Variants in CSMD2 observed in about 807,000 individuals in gnomAD.
CSMD2 encodes CUB and Sushi multiple domains 2, also known as CUB and sushi domain-containing protein 2.
In CSMD2, 130 loss-of-function variants were observed where a neutral mutation model predicts 398.5. That is an observed-to-expected ratio of 0.33 (90% CI 0.28 to 0.38). The LOEUF is 0.38. Among genes scored for constraint, CSMD2 ranks in the 10% least tolerant of loss-of-function variants. CSMD2 has a pLI of 1.00. For missense variants in CSMD2, 3,829 were observed against 4,764.9 expected (o/e 0.80, Z 5.78); for synonymous variants, 1,828 against 1,908.5 (o/e 0.96, Z 1.10).
At chr1:33,872,182 C>T (rs1484644837) in intron 5 of CSMD2, among the ~76,000 whole-genome samples, 1 of 151,984 alleles carries the variant, frequency 6.6e-6, no homozygotes, top group Non-Finnish European at 1.5e-5. Context: ...AAATATGTAC[C>T]TAATAAACTT....
chr1:33,549,361 A>G (rs1657209184), intron 56 of CSMD2, among the ~76,000 whole-genome samples: 1 of 152,204 alleles, frequency 6.6e-6, no homozygotes, highest in Non-Finnish European at 1.5e-5. Flanking sequence ...TGCAGGCAAC[A>G]TGGAATCCCT....
chr1:33,914,339 G>A (rs1026445937), intron 5 of CSMD2, among the ~76,000 whole-genome samples: 2 of 152,104 alleles, frequency 1.3e-5, no homozygotes, highest in African/African-American at 4.8e-5. Context: ...TTGGTGATGT[G>A]AATTTGGCAG....
chr1:33,604,807 C>T (rs1477102926), intron 42 of CSMD2, among the ~76,000 whole-genome samples: 1 of 103,870 alleles, frequency 9.6e-6, no homozygotes, highest in African/African-American at 3.1e-5. Flanking sequence ...CTCTCCAGCC[C>T]TGTGTAGAAG....
At chr1:33,812,214 A>C (rs1377691104) in intron 9 of CSMD2, among the ~76,000 whole-genome samples, 1 of 152,176 alleles carries the variant, frequency 6.6e-6, no homozygotes, top group Non-Finnish European at 1.5e-5. Flanking sequence ...TCCTCTCTGA[A>C]GGGCCACAGC....
intron 10 of CSMD2, among the ~76,000 whole-genome samples, chr1:33,809,058 A>T (rs1047230005): frequency 1.3e-5 from 2 of 151,932 alleles, no homozygotes; most frequent in Non-Finnish European, 2.9e-5. Context: ...CAAACAAAGG[A>T]GACACCAGAC....
chr1:33,559,970 G>A lies in CSMD2; in HGVS notation c.8381-497C>T, dbSNP rs1658392940. On this transcript the variant is annotated intron_variant, in intron 53 of 70. Transcript: ENST00000373381. The surrounding 1 kb of genome is among the most constrained non-coding windows in gnomAD (Gnocchi z 4.0). ...GGTAAACTGGGGAAGCAGAGCTGCT[G>A]TTTGGAGAGAACCCACTACCTCCAA... 6.6e-6 allele frequency among the ~76,000 whole-genome samples: 1 copy of A among 152,204 alleles called. No homozygotes were observed. The highest frequency in any genetic ancestry group is 2.4e-5 in the African/African-American group (1 of 41,438).
chr1:33,741,172 T>C (rs1360714250), intron 14 of CSMD2, among the ~76,000 whole-genome samples: 1 of 152,040 alleles, frequency 6.6e-6, no homozygotes, highest in Non-Finnish European at 1.5e-5. Flanking sequence ...CACTGATCCT[T>C]GTTACAGGGA....
chr1:34,035,237 A>G (rs1469500551), intron 2 of CSMD2, among the ~76,000 whole-genome samples: 1 of 152,168 alleles, frequency 6.6e-6, no homozygotes, highest in East Asian at 1.9e-4. Flanking sequence ...CTCCCAAAAA[A>G]GAAATATCTA....
At chr1:33,944,775 C>T (rs558101521) in intron 3 of CSMD2, among the ~76,000 whole-genome samples, 18 of 152,206 alleles carry the variant, frequency 1.2e-4, no homozygotes, top group African/African-American at 3.6e-4. Flanking sequence ...AACTCTTACC[C>T]GGGGCTACAA....
intron 5 of CSMD2, among the ~76,000 whole-genome samples, chr1:33,855,137 C>CTGAGT (rs1638987254): frequency 6.6e-6 from 1 of 152,208 alleles, no homozygotes. Flanking sequence ...AGCTGCTTTT[C>CTGAGT]TGAGTTGCCC....
intron 1 of CSMD2, among the ~76,000 whole-genome samples, chr1:34,137,663 A>C (rs1465898492): frequency 6.6e-6 from 1 of 152,200 alleles, no homozygotes; most frequent in Non-Finnish European, 1.5e-5. Context: ...ACCTGGCCCA[A>C]CCTGGCTAAA....
intron 67 of CSMD2, among the ~76,000 whole-genome samples, chr1:33,522,791 T>G (rs1654429597): frequency 6.6e-6 from 1 of 152,226 alleles, no homozygotes; most frequent in African/African-American, 2.4e-5. Context: ...GAAGTGTCAC[T>G]GGAGATCCAG....
At chr1:33,649,170 A>T (rs1643623018) in intron 28 of CSMD2, among the ~76,000 whole-genome samples, 4 of 152,212 alleles carry the variant, frequency 2.6e-5, no homozygotes, top group Admixed American at 2.0e-4. Flanking sequence ...AAGTGTGCAA[A>T]GATGAAAACA....
At chr1:33,707,695 G>GCGCGCGCACA (rs1172787777) in intron 22 of CSMD2, among the ~76,000 whole-genome samples, 3 of 92,030 alleles carry the variant, frequency 3.3e-5, no homozygotes, top group African/African-American at 5.9e-5. Context: ...GCGCGCGCGC[G>GCGCGCGCACA]CACACACACA....
intron 2 of CSMD2, among the ~76,000 whole-genome samples, chr1:34,070,339 T>G (rs1558332583): frequency 6.6e-6 from 1 of 152,180 alleles, no homozygotes; most frequent in Admixed American, 6.5e-5. Context: ...TTAGGGTAGA[T>G]GGGTCCTTTT....
At chr1:33,929,283 T>C (rs1182280403) in intron 4 of CSMD2, among the ~76,000 whole-genome samples, 2 of 152,170 alleles carry the variant, frequency 1.3e-5, no homozygotes, top group African/African-American at 2.4e-5. Context: ...TGGTTGCCCA[T>C]AATAGCTGCC....
intron 41 of CSMD2, 71 bp from the exon 42 acceptor site, chr1:33,605,541 T>C (rs1030941062): frequency 6.8e-7 from 1 of 1,479,854 alleles, no homozygotes; most frequent in Non-Finnish European, 9.3e-7. Context: ...GAAAGCATAG[T>C]GGTGAAGCCT....
intron 10 of CSMD2, among the ~76,000 whole-genome samples, chr1:33,802,325 A>T (rs566227023): frequency 6.6e-6 from 1 of 152,232 alleles, no homozygotes; most frequent in African/African-American, 2.4e-5. Flanking sequence ...CTCCTAGTTT[A>T]TTGAGTACAG....
intron 7 of CSMD2, among the ~76,000 whole-genome samples, chr1:33,821,380 C>T (rs1051280372): frequency 6.6e-6 from 1 of 152,172 alleles, no homozygotes; most frequent in Non-Finnish European, 1.5e-5. Flanking sequence ...CGTCGGGATG[C>T]TGGTACTGAG....
Sources: gnomAD v4.1 joint callset for allele counts (sites outside exome capture counted in the v4.1 genomes callset) on GRCh38, gnomAD v4.1.1 for gene constraint, Gnocchi (gnomAD v3.1) non-coding constraint, MANE v1.5 for transcripts, NCBI Gene and HGNC (gene_info 2026-07-23, HGNC 2026-07-21) for gene names.